The following SERPINB10 variants were observed in gnomAD, a reference collection of about 807,000 sequenced individuals.
SERPINB10 encodes the protein serpin B10.
In SERPINB10, 35 loss-of-function variants were observed where a neutral mutation model predicts 39.1. The observed-to-expected ratio is 0.90, with a 90% CI of 0.68 to 1.19. The LOEUF (loss-of-function observed/expected upper bound fraction) is 1.19, where lower values mean the gene tolerates loss of function less well. Among genes scored for constraint, SERPINB10 ranks in the 50% most tolerant of loss-of-function variants. The pLI is 0.00. For synonymous variants in SERPINB10, 190 were observed against 158.1 expected, an observed-to-expected ratio of 1.20 and a Z score of -1.52; for missense variants, 546 against 460.5, an observed-to-expected ratio of 1.19 and a Z score of -1.70.
chr18:63,929,734 G>GAAAA (rs796777562), intron 5 of SERPINB10, among the ~76,000 whole-genome samples: 1 of 113,850 alleles, frequency 8.8e-6, no homozygotes, highest in Non-Finnish European at 1.9e-5. Context: ...AAAAAAAAAA[G>GAAAA]AAAAAAAAAA....
chr18:63,918,090 T>C lies in SERPINB10; in HGVS notation c.360T>C (p.Tyr120=), dbSNP rs769801619. The change falls in exon 4 of 8, where the codon TAT becomes TAC. Residue 120 remains tyrosine, a synonymous_variant. Transcript: ENST00000238508. ...ATGCGATATATGGAGAGAAAACGTA[T>C]GCATTTCACAATGTAAGTGCAAATG... ...TANAIYGEKT[Y]AFHNKYLEDM... is the part of the protein sequence containing the mutation. The C allele has an allele frequency of 8.7e-6, 14 of 1,612,064 alleles. No homozygotes were observed. The highest frequency in any genetic ancestry group is 2.2e-5 in the East Asian group (1 of 44,780).
Position 63,935,334 on chromosome 18 carries a change from G to T in SERPINB10, c.*92G>T. ...GCACAATTTTCACAAAAATGAGTTT[G>T]TAGTCTAAACCTTTTTCACATTTGA... On this transcript the variant is annotated 3_prime_UTR_variant, in exon 8 of 8. Transcript: ENST00000238508. The T allele has an allele frequency of 1.3e-5, 18 of 1,340,370 alleles. No homozygotes were observed. Among genetic ancestry groups the T allele is most frequent in the Non-Finnish European group, 1.8e-5 (18 of 992,616 alleles). 83.0% of individuals were successfully genotyped at this position (1,340,370 alleles called of 1,614,324 possible).
chr18:63,930,138 A>C lies in SERPINB10; in HGVS notation c.584A>C (p.His195Pro). Residue 195 changes from histidine (H) to proline (P), a missense_variant, in exon 6 of 8, where the codon CAT (histidine) becomes CCT (proline). By Grantham distance (77) the His-to-Pro change is moderately conservative. Transcript: ENST00000238508. ...NALYFKGIWE[H>P]QFLVQNTTEK... ...CTATACTTTAAAGGAATCTGGGAAC[A>C]TCAATTCTTAGTGCAAAACACCACA... The C allele has an allele frequency of 1.2e-6, 2 of 1,613,608 alleles. No homozygotes were observed. The highest frequency in any genetic ancestry group is 1.7e-6 in the Non-Finnish European group (2 of 1,179,674).
rs1046042578 is a variant in SERPINB10 at position 63,917,604 on chromosome 18, C to A, written c.234+83C>A. On this transcript the variant is annotated intron_variant, in intron 3 of 7. Coordinates refer to ENST00000238508, the MANE Select transcript of SERPINB10 (RefSeq NM_005024.3). ...TGTATTTTAGTGATAACTGAAGCAACTTTTAGCAGGTAATTTTTCTTAGAA... is the reference window on the plus strand; with the variant it reads ...TGTATTTTAGTGATAACTGAAGCAAATTTTAGCAGGTAATTTTTCTTAGAA... The A allele has an allele frequency of 2.3e-5, 17 of 754,314 alleles. No individual in the cohort carries two copies. The Admixed American group carries it at 4.2e-4, about 19-fold the overall frequency. 46.7% of individuals were successfully genotyped at this position (754,314 alleles called of 1,614,324 possible).
chr18:63,920,811 G>A (rs779657111), intron 5 of SERPINB10, among the ~76,000 whole-genome samples: 69 of 152,072 alleles, frequency 4.5e-4, no homozygotes, highest in Admixed American at 3.5e-3. Flanking sequence ...ATACTTGCTA[G>A]AAGAAAGACC....
Position 63,932,011 on chromosome 18 carries a change from C to T in SERPINB10, c.634-1037C>T, listed in dbSNP as rs372130650. 1.1e-4 allele frequency among the ~76,000 whole-genome samples: 16 copies of T among 152,158 alleles called. 1 individual carries two copies. Among genetic ancestry groups the T allele is most frequent in the Admixed American group, 7.2e-4 (11 of 15,280 alleles). Reference sequence around the variant, plus strand: ...GTCACATAGTTGTAATCATACAGCACGTAGCCTTTTGAGGCTGGCTCCATT... The same window carrying T: ...GTCACATAGTTGTAATCATACAGCATGTAGCCTTTTGAGGCTGGCTCCATT... On this transcript the variant is annotated intron_variant, in intron 6 of 7. Coordinates refer to ENST00000238508, the MANE Select transcript of SERPINB10 (RefSeq NM_005024.3).
intron 5 of SERPINB10, among the ~76,000 whole-genome samples, chr18:63,924,796 C>T (rs145995509): frequency 5.3e-5 from 8 of 151,830 alleles, no homozygotes; most frequent in African/African-American, 1.5e-4. Flanking sequence ...TTTTCTCTTT[C>T]GGGATTCTTC....
chr18:63,933,020 T>C (rs776027142), intron 6 of SERPINB10, 28 bp from the exon 7 acceptor site: 2 of 1,591,848 alleles, frequency 1.3e-6, no homozygotes, highest in Non-Finnish European at 8.5e-7. Flanking sequence ...CCTTGTTACC[T>C]GTTTTTTTGT....
chr18:63,912,938 A>G (rs2050075332), intron 1 of SERPINB10, among the ~76,000 whole-genome samples: 2 of 151,704 alleles, frequency 1.3e-5, no homozygotes, highest in South Asian at 4.1e-4. Context: ...GGATTTTATA[A>G]TTGATTCAAT....
At chr18:63,913,941 T>C (rs1247278091) in intron 1 of SERPINB10, among the ~76,000 whole-genome samples, 2 of 136,538 alleles carry the variant, frequency 1.5e-5, no homozygotes, top group Admixed American at 7.7e-5. Flanking sequence ...AGTGCTCCAA[T>C]GTTGGGTGCA....
intron 1 of SERPINB10, 64 bp from the exon 2 acceptor site, chr18:63,915,438 T>A: frequency 8.0e-7 from 1 of 1,243,254 alleles, no homozygotes; most frequent in Non-Finnish European, 1.1e-6. Flanking sequence ...AATACATATT[T>A]TTTCAAAGGT....
chr18:63,917,411 T>G, intron 2 of SERPINB10, 45 bp from the exon 3 acceptor site: 2 of 1,115,186 alleles, frequency 1.8e-6, no homozygotes, highest in East Asian at 5.1e-5. Context: ...TTTATATAAT[T>G]ACTTCTCTGC....
Position 63,933,039 on chromosome 18 carries a change from T to C in SERPINB10, c.634-9T>C, listed in dbSNP as rs756362535. The C allele has an allele frequency of 1.6e-5, 26 of 1,605,504 alleles. No homozygotes were observed. In the East Asian group the frequency reaches 5.6e-4, roughly 34 times the overall value. ...GTTACCTGTTTTTTTGTTTTTTTGT[T>C]TTTTTTAGACTACAAGCAAACCAGT... On this transcript the variant is annotated splice_polypyrimidine_tract_variant and intron_variant, in intron 6 of 7. Coordinates refer to ENST00000238508, the MANE Select transcript of SERPINB10 (RefSeq NM_005024.3).
chr18:63,930,879 A>G (rs2050217297), intron 6 of SERPINB10, among the ~76,000 whole-genome samples: 1 of 152,186 alleles, frequency 6.6e-6, no homozygotes, highest in African/African-American at 2.4e-5. Flanking sequence ...TAGGAAAGGA[A>G]CTAGTTGACC....
intron 1 of SERPINB10, among the ~76,000 whole-genome samples, chr18:63,913,618 A>C (rs1026643937): frequency 6.6e-6 from 1 of 151,966 alleles, no homozygotes; most frequent in Non-Finnish European, 1.5e-5. Context: ...TTTTTATTGC[A>C]CTGTGGTCTG....
chr18:63,935,070 T>C lies in SERPINB10; in HGVS notation c.1022T>C (p.Phe341Ser). 6.2e-7 allele frequency: 1 copy of C among 1,614,212 alleles called. No homozygotes were observed. Among genetic ancestry groups the C allele is most frequent in the Non-Finnish European group, 8.5e-7 (1 of 1,180,040 alleles). Residue 341 changes from phenylalanine (F) to serine (S), a missense_variant, in exon 8 of 8, where the codon TTT becomes TCT. By Grantham distance (155) the Phe-to-Ser change is radical. Coordinates refer to ENST00000238508, the MANE Select transcript of SERPINB10 (RefSeq NM_005024.3). ...LFLSNVFHKA[F>S]VEINEQGTEA... ...TTGTCCAATGTTTTCCATAAGGCTT[T>C]TGTGGAAATAAATGAACAAGGTACT...
Position 63,934,911 on chromosome 18 carries a change from A to T in SERPINB10, c.863A>T (p.Gln288Leu), listed in dbSNP as rs1228003519. Residue 288 changes from glutamine (Q) to leucine (L), a missense_variant, in exon 8 of 8, where the codon CAG becomes CTG. Physicochemically the swap from Gln to Leu is moderately radical, Grantham distance 113. Transcript: ENST00000238508. ...SADMMELYEV[Q>L]LHLPKFKLED... ...GACATGATGGAGTTGTATGAAGTGC[A>T]GCTACACCTTCCCAAGTTCAAGCTG... 2 of 1,614,234 alleles carry T rather than the reference A, an allele frequency of 1.2e-6. No homozygotes were observed. Among genetic ancestry groups the T allele is most frequent in the Admixed American group, 1.7e-5 (1 of 60,022 alleles).
At chr18:63,912,668 G>T (rs1050891823) in intron 1 of SERPINB10, among the ~76,000 whole-genome samples, 1 of 151,970 alleles carries the variant, frequency 6.6e-6, no homozygotes, top group Non-Finnish European at 1.5e-5. Flanking sequence ...TATGCTGCTG[G>T]ATTCAGCTTG....
At chr18:63,922,919 CCAT>C (rs2050156472) in intron 5 of SERPINB10, among the ~76,000 whole-genome samples, 1 of 151,798 alleles carries the variant, frequency 6.6e-6, no homozygotes, top group African/African-American at 2.4e-5. Flanking sequence ...CTAGTGGCCA[CCAT>C]ATTAGACAGC....
Sources: allele counts gnomAD v4.1 joint callset (sites outside exome capture counted in the v4.1 genomes callset), GRCh38; gene constraint gnomAD v4.1.1; transcripts MANE v1.5; gene names NCBI Gene and HGNC (gene_info 2026-07-23, HGNC 2026-07-21).